The following CNP variants were observed in gnomAD, a reference collection of about 807,000 sequenced individuals.
CNP encodes 2',3'-cyclic-nucleotide 3'-phosphodiesterase.
Under a neutral mutation model 37.9 loss-of-function variants are expected in CNP, and 8 were observed. The observed-to-expected ratio is 0.21, with a 90% CI of 0.12 to 0.38. CNP has a LOEUF of 0.38. Among genes scored for constraint, CNP ranks in the 10% least tolerant of loss-of-function variants. The pLI, the probability that CNP is intolerant of heterozygous loss-of-function variation, is 1.00. For missense variants in CNP, 457 were observed against 551.0 expected, an observed-to-expected ratio of 0.83 and a Z score of 1.71; for synonymous variants, 237 against 238.3, an observed-to-expected ratio of 0.99 and a Z score of 0.05.
In CNP at chr17:41,974,039, T is replaced by G; in HGVS notation, c.*115T>G. Reference sequence around the variant, plus strand: ...TTTTTTTTTTTACTCAAAGTTAACCTACCTGTAACTTTTTAAAAACTTGTA... The same window carrying G: ...TTTTTTTTTTTACTCAAAGTTAACCGACCTGTAACTTTTTAAAAACTTGTA... On this transcript the variant is annotated 3_prime_UTR_variant, in exon 4 of 4. Coordinates refer to ENST00000393892, the MANE Select transcript of CNP (RefSeq NM_033133.5). The G allele has an allele frequency of 1.5e-5, 14 of 912,080 alleles. No individual in the cohort carries two copies. The highest frequency in any genetic ancestry group is 2.8e-5 in the South Asian group (1 of 35,298). The allele number at this position is 912,080 out of a possible 1,614,324, so 56.5% of individuals were successfully genotyped here.
chr17:41,972,125 G>C, intron 3 of CNP, 94 bp downstream of exon 3: 1 of 1,482,772 alleles, frequency 6.7e-7, no homozygotes, highest in South Asian at 1.2e-5. Context: ...GCCAGGCAGG[G>C]ACCAAAAACC....
Position 41,970,799 on chromosome 17 carries a change from CCTCATGGGGA to C in CNP, c.677-1088_677-1079del, listed in dbSNP as rs1169836617. 2.0e-5 allele frequency: 3 copies of C among 152,162 alleles called. No individual in the cohort carries two copies. The East Asian group carries it at 5.8e-4, about 29-fold the overall frequency. The allele number at this position is 152,162 out of a possible 1,614,324, so 9.4% of individuals were successfully genotyped here. A position where few individuals can be genotyped will look rare whatever the true frequency, so the allele number is the denominator to read the frequency against. On this transcript the variant is annotated intron_variant, in intron 2 of 3. Transcript: ENST00000393892. Reference sequence around the variant, plus strand: ...TCCTCCCCTGTGGAGGGCGAGACATCCTCATGGGGACTCAATTCAGAACATAACAGGAAAA... The same window carrying C: ...TCCTCCCCTGTGGAGGGCGAGACATCCTCAATTCAGAACATAACAGGAAAA...
At position 41,967,614 on chromosome 17, in the gene CNP, CTG is replaced by C. The variant is rs1220487421; in HGVS notation, c.4-452_4-451del. The stretch of plus-strand genomic sequence containing the variant: ...CGCATGCCAGACAAGAGAGTATTAT[CTG>C]TTGCGGCCATTGTTGGGGGAAGGGA... On this transcript the variant is annotated intron_variant, in intron 1 of 3. Transcript: ENST00000393892. 48 of 988,414 alleles carry C rather than the reference CTG, an allele frequency of 4.9e-5. No homozygotes were observed. The African/African-American group carries it at 7.6e-4, about 16-fold the overall frequency. 61.2% of individuals were successfully genotyped at this position (988,414 alleles called of 1,614,324 possible).
intron 3 of CNP, among the ~76,000 whole-genome samples, chr17:41,973,208 C>A (rs1555644092): frequency 2.0e-5 from 3 of 152,212 alleles, no homozygotes; most frequent in African/African-American, 7.2e-5. Flanking sequence ...AGCCAGTGTG[C>A]AGGGAGCTGG....
In CNP at chr17:41,974,004, ATTTTTT is replaced by A. The variant is rs34645700; in HGVS notation, c.*95_*100del. ...CTCTGTTTGATCCTTGTTTTGTGAC[ATTTTTT>A]TTTTTTTTTTTTTTACTCAAAGTTA... On this transcript the variant is annotated 3_prime_UTR_variant, in exon 4 of 4. Coordinates refer to ENST00000393892, the MANE Select transcript of CNP (RefSeq NM_033133.5). 180 of 838,144 alleles carry A rather than the reference ATTTTTT, an allele frequency of 2.1e-4. No homozygotes were observed. Among genetic ancestry groups the A allele is most frequent in the Middle Eastern group, 8.0e-4 (2 of 2,514 alleles). The allele number at this position is 838,144 out of a possible 1,614,324, so 51.9% of individuals were successfully genotyped here.
chr17:41,973,971 A>T lies in CNP; in HGVS notation c.*47A>T. On this transcript the variant is annotated 3_prime_UTR_variant, in exon 4 of 4. Transcript: ENST00000393892. The stretch of plus-strand genomic sequence containing the variant: ...CCCCTAGAAGGGAAGGGGAGAGGGA[A>T]ACGTGCCCTCTGTTTGATCCTTGTT... The T allele has an allele frequency of 7.3e-7, 1 of 1,378,168 alleles. No individual in the cohort carries two copies. Among genetic ancestry groups the T allele is most frequent in the Non-Finnish European group, 9.5e-7 (1 of 1,055,676 alleles). The allele number at this position is 1,378,168 out of a possible 1,614,324, so 85.4% of individuals were successfully genotyped here.
chr17:41,972,029 G>C lies in CNP; in HGVS notation c.814G>C (p.Asp272His). ...APGAEEYAQQ[D>H]VLKKSYSKAF... ...CGGGGCAGAGGAGTACGCTCAACAA[G>C]ATGTGAGTCTTCCCCAGGGACACAT... Residue 272 changes from aspartate (D) to histidine (H), a missense_variant and splice_region_variant, in exon 3 of 4, where the codon GAT becomes CAT. Physicochemically the swap from Asp to His is moderately conservative, Grantham distance 81. Coordinates refer to ENST00000393892, the MANE Select transcript of CNP (RefSeq NM_033133.5). The C allele has an allele frequency of 6.2e-7, 1 of 1,613,674 alleles. No individual in the cohort carries two copies. Among genetic ancestry groups the C allele is most frequent in the Non-Finnish European group, 8.5e-7 (1 of 1,179,770 alleles).
rs567890037 is a variant in CNP, at chr17:41,976,806, G to T, written c.*2882G>T. On this transcript the variant is annotated 3_prime_UTR_variant, in exon 4 of 4. Coordinates refer to ENST00000393892, the MANE Select transcript of CNP (RefSeq NM_033133.5). The stretch of plus-strand genomic sequence containing the variant: ...AAAGAGGGGTTGGTAGTTGGCTATG[G>T]ATTTTCTAAGGAAGATCACTTTGCT... 1.9e-6 allele frequency: 3 copies of T among 1,600,426 alleles called. No individual in the cohort carries two copies. In the East Asian group the frequency reaches 6.7e-5, roughly 36 times the overall value.
chr17:41,972,999 C>T (rs1264513993), intron 3 of CNP, among the ~76,000 whole-genome samples: 4 of 152,248 alleles, frequency 2.6e-5, no homozygotes, highest in Non-Finnish European at 4.4e-5. Context: ...CTCACCCTGT[C>T]CTCCAGGGCG....
intron 2 of CNP, among the ~76,000 whole-genome samples, chr17:41,969,840 G>A (rs1483376771): frequency 1.3e-5 from 2 of 152,176 alleles, no homozygotes; most frequent in Admixed American, 6.5e-5. Context: ...ACAGGCGTGA[G>A]CCACCACCGC....
intron 1 of CNP, 166 bp from the exon 2 acceptor site, chr17:41,967,902 C>T (rs1194868608): frequency 6.9e-7 from 1 of 1,439,012 alleles, no homozygotes; most frequent in African/African-American, 1.4e-5. Flanking sequence ...TTCCCTCTTC[C>T]TCCTCCACGA....
In CNP at chr17:41,968,275, G is replaced by A; in HGVS notation, c.211G>A (p.Val71Met). The stretch of plus-strand genomic sequence containing the variant: ...CAAGTCCACGCTGGCACGGGTCATC[G>A]TGGACAAGTACCGTGATGGCACCAA... ...SGKSTLARVI[V>M]DKYRDGTKMV... The change falls in exon 2 of 4, where the codon GTG (valine) becomes ATG (methionine). Residue 71 changes from valine to methionine, a missense_variant. Val to Met is a conservative substitution (Grantham distance 21). This residue lies in a region of CNP where 166 missense variants were observed against 259.3 expected (regional missense o/e 0.64). Coordinates refer to ENST00000393892, the MANE Select transcript of CNP (RefSeq NM_033133.5). This position sits in a 1 kb window ranked among gnomAD's most constrained non-coding sequence, Gnocchi z 4.8. 1 of 1,614,064 alleles carries A rather than the reference G, an allele frequency of 6.2e-7. No homozygotes were observed. The highest frequency in any genetic ancestry group is 8.5e-7 in the Non-Finnish European group (1 of 1,179,968).
At chr17:41,967,269 G>C (rs1048243456) in intron 1 of CNP, 26 of 195,532 alleles carry the variant, frequency 1.3e-4, no homozygotes, top group African/African-American at 5.3e-4. Context: ...GCTGCCCCGC[G>C]CCCGGGTGCG....
chr17:41,976,789 G>C lies in CNP; in HGVS notation c.*2865G>C. Reference sequence around the variant, plus strand: ...CCAGATGCTGAAAGAGAAAAGAGGGGTTGGTAGTTGGCTATGGATTTTCTA... The same window carrying C: ...CCAGATGCTGAAAGAGAAAAGAGGGCTTGGTAGTTGGCTATGGATTTTCTA... On this transcript the variant is annotated 3_prime_UTR_variant, in exon 4 of 4. Coordinates refer to ENST00000393892, the MANE Select transcript of CNP (RefSeq NM_033133.5). 6.2e-7 allele frequency: 1 copy of C among 1,606,490 alleles called. No individual in the cohort carries two copies. The highest frequency in any genetic ancestry group is 8.5e-7 in the Non-Finnish European group (1 of 1,178,300).
At chr17:41,973,424 C>T (rs879957538) in intron 3 of CNP, 51 bp from the exon 4 acceptor site, 2 of 1,555,046 alleles carry the variant, frequency 1.3e-6, no homozygotes, top group South Asian at 1.2e-5. Context: ...TCAGCTGTTC[C>T]TCAAGAGCCT....
chr17:41,968,616 C>T lies in CNP; in HGVS notation c.552C>T (p.Asp184=), dbSNP rs1555643309. The T allele has an allele frequency of 2.1e-5, 34 of 1,614,034 alleles. No individual in the cohort carries two copies. The highest frequency in any genetic ancestry group is 1.6e-4 in the Middle Eastern group (1 of 6,084). The change falls in exon 2 of 4, where the codon GAC becomes GAT. Residue 184 remains aspartate (D), a synonymous_variant. Transcript: ENST00000393892. This position sits in a 1 kb window ranked among gnomAD's most constrained non-coding sequence, Gnocchi z 4.8. ...LKKLKPGLEK[D]FLPLYFGWFL... ...AGCTGAAGCCTGGGCTGGAGAAGGA[C>T]TTCCTGCCGCTCTACTTCGGCTGGT...
intron 2 of CNP, among the ~76,000 whole-genome samples, chr17:41,970,039 C>G (rs782607903): frequency 6.6e-6 from 1 of 152,190 alleles, no homozygotes; most frequent in Non-Finnish European, 1.5e-5. Flanking sequence ...TGGCCAGGAG[C>G]AAGCCCTGTA....
rs1054578328 is a variant in CNP at position 41,976,682 on chromosome 17, G to C, written c.*2758G>C. The C allele has an allele frequency of 6.2e-7, 1 of 1,600,598 alleles. No homozygotes were observed. Among genetic ancestry groups the C allele is most frequent in the Non-Finnish European group, 8.5e-7 (1 of 1,175,054 alleles). ...GGAGGTGAACTGTTTCCACATTCAA[G>C]ATTAAACTGAGTGAATCTGCATTTT... On this transcript the variant is annotated 3_prime_UTR_variant, in exon 4 of 4. Coordinates refer to ENST00000393892, the MANE Select transcript of CNP (RefSeq NM_033133.5).
In CNP at chr17:41,971,903, G is replaced by A. The variant is rs1378512663; in HGVS notation, c.688G>A (p.Asp230Asn). 6 of 1,613,826 alleles carry A rather than the reference G, an allele frequency of 3.7e-6. No homozygotes were observed. The highest frequency in any genetic ancestry group is 1.7e-5 in the Admixed American group (1 of 59,996). Reference protein sequence around the residue: ...KKELRQFVPGDEPREKMDLVT... With the variant: ...KKELRQFVPGNEPREKMDLVT... ...TTTTCTCCCGGCAGTCGTCCCTGGG[G>A]ATGAGCCCAGGGAGAAGATGGACTT... The change falls in exon 3 of 4, where the codon GAT (aspartate) becomes AAT (asparagine). Residue 230 changes from aspartate (D) to asparagine (N), a missense_variant. Around this residue, in one of 2 missense-constraint regions of CNP, gnomAD observed 291 missense variants for 291.7 expected, o/e 1.00. Coordinates refer to ENST00000393892, the MANE Select transcript of CNP (RefSeq NM_033133.5).
Sources: gnomAD v4.1 joint callset for allele counts (sites outside exome capture counted in the v4.1 genomes callset) on GRCh38, gnomAD v4.1.1 for gene constraint, gnomAD v4.1.1 regional missense constraint, Gnocchi (gnomAD v3.1) non-coding constraint, MANE v1.5 for transcripts, NCBI Gene and HGNC (gene_info 2026-07-23, HGNC 2026-07-21) for gene names.